Variants in GABRA1 observed in about 807,000 individuals in gnomAD.
GABRA1 encodes gamma-aminobutyric acid type A receptor subunit alpha1.
A neutral mutation model predicts 48.9 loss-of-function variants in GABRA1; 9 were observed. That is an observed-to-expected ratio of 0.18 (90% CI 0.11 to 0.32). The LOEUF (loss-of-function observed/expected upper bound fraction) is 0.32. Among genes scored for constraint, GABRA1 ranks in the 10% least tolerant of loss-of-function variants. The probability of loss-of-function intolerance (pLI) is 1.00; values close to 1 mark genes in which losing one functional copy is unlikely to be tolerated. For synonymous variants in GABRA1, 210 were observed against 198.7 expected (o/e 1.06, Z -0.48); for missense variants, 285 against 553.8 (o/e 0.51, Z 4.87).
intron 2 of GABRA1, among the ~76,000 whole-genome samples, chr5:161,853,504 G>C (rs1757530466): frequency 6.6e-6 from 1 of 151,658 alleles, no homozygotes; most frequent in Non-Finnish European, 1.5e-5. Context: ...TCTTTCTAAA[G>C]GTTCTTTTTA....
At chr5:161,857,295 T>C (rs961542675) in intron 3 of GABRA1, among the ~76,000 whole-genome samples, 3 of 151,324 alleles carry the variant, frequency 2.0e-5, no homozygotes, top group African/African-American at 4.8e-5. Flanking sequence ...CCTCAGGAAA[T>C]AGAAAAATGT....
chr5:161,875,437 C>G, intron 5 of GABRA1, 123 bp from the exon 6 acceptor site: 1 of 788,470 alleles, frequency 1.3e-6, no homozygotes, highest in South Asian at 1.4e-5. Flanking sequence ...AACAGCTCAG[C>G]ATAACCCTGC....
At chr5:161,865,298 G>A (rs774240473) in intron 3 of GABRA1, among the ~76,000 whole-genome samples, 1 of 152,016 alleles carries the variant, frequency 6.6e-6, no homozygotes, top group South Asian at 2.1e-4. Flanking sequence ...AGTTAATAAC[G>A]CTTGCTAAAG....
chr5:161,876,154 C>T (rs1395403174), intron 6 of GABRA1, among the ~76,000 whole-genome samples: 1 of 151,194 alleles, frequency 6.6e-6, no homozygotes, highest in Non-Finnish European at 1.5e-5. Flanking sequence ...AGAAAATTAG[C>T]TGATATGTGT....
At chr5:161,892,211 A>G (rs1755122623) in intron 8 of GABRA1, among the ~76,000 whole-genome samples, 1 of 152,202 alleles carries the variant, frequency 6.6e-6, no homozygotes, top group Non-Finnish European at 1.5e-5. Flanking sequence ...TGCAATTATC[A>G]AGGTTCATTC....
chr5:161,893,261 T>A (rs2113455842), intron 8 of GABRA1, among the ~76,000 whole-genome samples: 1 of 152,144 alleles, frequency 6.6e-6, no homozygotes, highest in East Asian at 1.9e-4. Flanking sequence ...CTCAACAGAC[T>A]CATGGCCTTT....
Position 161,897,659 on chromosome 5 carries a change from G to A in GABRA1, c.*237G>A. 1 of 514,406 alleles carries A rather than the reference G, an allele frequency of 1.9e-6. No homozygotes were observed. Among genetic ancestry groups the A allele is most frequent in the African/African-American group, 1.9e-5 (1 of 51,490 alleles). The allele number at this position is 514,406 out of a possible 1,614,324, so 31.9% of individuals were successfully genotyped here. A position where few individuals can be genotyped will look rare whatever the true frequency, so the allele number is the denominator to read the frequency against. ...GCGAAAGAGCAAAGTCATGTCAGAA[G>A]GAGACAGAATGAGAGAGAAAAGAGG... On this transcript the variant is annotated 3_prime_UTR_variant, in exon 10 of 10. Transcript: ENST00000393943.
intron 5 of GABRA1, 62 bp downstream of exon 5, chr5:161,873,399 G>A (rs1754209512): frequency 7.6e-7 from 1 of 1,311,248 alleles, no homozygotes; most frequent in East Asian, 2.3e-5. Flanking sequence ...CCACTTGTAG[G>A]CAATCATCAG....
At chr5:161,861,852 T>G (rs1032067762) in intron 3 of GABRA1, among the ~76,000 whole-genome samples, 14 of 151,886 alleles carry the variant, frequency 9.2e-5, no homozygotes, top group Non-Finnish European at 1.5e-4. Flanking sequence ...TTTATTATAA[T>G]GACTAATATT....
intron 5 of GABRA1, among the ~76,000 whole-genome samples, chr5:161,874,860 G>A (rs986059729): frequency 6.6e-6 from 1 of 151,898 alleles, no homozygotes; most frequent in Non-Finnish European, 1.5e-5. Context: ...ATATATTTCA[G>A]TGAACTTCTT....
intron 3 of GABRA1, among the ~76,000 whole-genome samples, chr5:161,857,954 T>A (rs1757712922): frequency 1.5e-5 from 2 of 135,544 alleles, no homozygotes; most frequent in African/African-American, 2.7e-5. Context: ...AGGATAAAAG[T>A]CAGAAAAAAT....
In GABRA1 at chr5:161,897,187, T is replaced by G; in HGVS notation, c.1136T>G (p.Leu379Trp). The G allele has an allele frequency of 6.2e-7, 1 of 1,614,098 alleles. No individual in the cohort carries two copies. The highest frequency in any genetic ancestry group is 1.1e-5 in the South Asian group (1 of 91,080). The part of the protein sequence containing the change: ...APTATSYTPN[L>W]ARGDPGLATI... ...ACAGCAACCAGCTACACCCCTAATT[T>G]GGCCAGGGGCGACCCGGGCTTAGCC... The change falls in exon 10 of 10, where the codon TTG becomes TGG. Residue 379 changes from leucine to tryptophan, a missense_variant. Leu to Trp is a moderately conservative substitution (Grantham distance 61, BLOSUM62 -2). Around this residue, in one of 6 missense-constraint regions of GABRA1, gnomAD observed 99 missense variants for 94.2 expected, o/e 1.05. Coordinates refer to ENST00000393943, the MANE Select transcript of GABRA1 (RefSeq NM_001127644.2).
At chr5:161,865,218 T>C (rs1758005995) in intron 3 of GABRA1, among the ~76,000 whole-genome samples, 3 of 152,190 alleles carry the variant, frequency 2.0e-5, no homozygotes, top group Admixed American at 1.3e-4. Flanking sequence ...CAGGGAATAA[T>C]TGGATAACTC....
intron 6 of GABRA1, among the ~76,000 whole-genome samples, chr5:161,877,068 A>G (rs994878066): frequency 2.0e-5 from 3 of 152,028 alleles, no homozygotes; most frequent in Admixed American, 6.6e-5. Flanking sequence ...TTGAGTACCC[A>G]GGACTACATA....
At chr5:161,869,611 A>G (rs1754021700) in intron 4 of GABRA1, among the ~76,000 whole-genome samples, 1 of 152,212 alleles carries the variant, frequency 6.6e-6, no homozygotes, top group South Asian at 2.1e-4. Context: ...AAATGTATTA[A>G]GTCAAAATAC....
intron 3 of GABRA1, among the ~76,000 whole-genome samples, chr5:161,860,766 A>G (rs560687365): frequency 9.2e-5 from 14 of 151,836 alleles, no homozygotes; most frequent in Middle Eastern, 6.8e-3. Context: ...ATATACACCT[A>G]TTAGGTATCC....
chr5:161,858,365 G>A (rs1282559062), intron 3 of GABRA1, among the ~76,000 whole-genome samples: 1 of 151,608 alleles, frequency 6.6e-6, no homozygotes, highest in Non-Finnish European at 1.5e-5. Flanking sequence ...TTGGGCATAG[G>A]ACAAAAATAA....
At chr5:161,858,423 C>G (rs1412987273) in intron 3 of GABRA1, among the ~76,000 whole-genome samples, 1 of 151,602 alleles carries the variant, frequency 6.6e-6, no homozygotes, top group Non-Finnish European at 1.5e-5. Flanking sequence ...GATAATCAGG[C>G]TTTTATGGAT....
chr5:161,884,679 T>G (rs1371630389), intron 7 of GABRA1, among the ~76,000 whole-genome samples: 2 of 152,148 alleles, frequency 1.3e-5, no homozygotes, highest in Non-Finnish European at 2.9e-5. Context: ...CTCAAGGAAC[T>G]CTTCATCTAT....
Sources: allele counts gnomAD v4.1 joint callset (sites outside exome capture counted in the v4.1 genomes callset), GRCh38; gene constraint gnomAD v4.1.1; regional missense constraint gnomAD v4.1.1; transcripts MANE v1.5; gene names NCBI Gene and HGNC (gene_info 2026-07-23, HGNC 2026-07-21).